Variants in MAP1B observed in about 807,000 individuals in gnomAD.
MAP1B encodes microtubule associated protein 1B.
In MAP1B, 12 loss-of-function variants were observed where a neutral mutation model predicts 176.1. The observed-to-expected ratio is 0.07, with a 90% confidence interval of 0.04 to 0.11. The LOEUF (loss-of-function observed/expected upper bound fraction) is 0.11, where lower values mean the gene tolerates loss of function less well. Ranked by LOEUF, MAP1B falls within the 10% of genes least tolerant of loss-of-function variation. MAP1B has a pLI of 1.00. For synonymous variants in MAP1B, 1,044 were observed against 1,135.0 expected, an observed-to-expected ratio of 0.92 and a Z score of 1.61; for missense variants, 2,523 against 2,990.5, an observed-to-expected ratio of 0.84 and a Z score of 3.65.
At chr5:72,145,322 G>A (rs1746025192) in intron 2 of MAP1B, among the ~76,000 whole-genome samples, 1 of 151,618 alleles carries the variant, frequency 6.6e-6, no homozygotes, top group Non-Finnish European at 1.5e-5. Context: ...CAAAGAAAGA[G>A]AATGATATTA....
At chr5:72,157,021 T>A (rs62363205) in intron 2 of MAP1B, among the ~76,000 whole-genome samples, 3,608 of 152,312 alleles carry the variant, frequency 0.024, 57 homozygotes, top group Non-Finnish European at 0.034. Flanking sequence ...CTTGTAGGTT[T>A]ATTTGTAGAA....
Position 72,107,653 on chromosome 5 carries a change from T to C in MAP1B, c.122T>C (p.Val41Ala). Reference sequence around the variant, plus strand: ...CTTGACAGCAAGTTCTACTTGCTGGTGGTCGTCGGCGAGATCGTGACCGAG... The same window carrying C: ...CTTGACAGCAAGTTCTACTTGCTGGCGGTCGTCGGCGAGATCGTGACCGAG... ...RFLDSKFYLL[V>A]VVGEIVTEEH... The change falls in exon 1 of 7, where the codon GTG becomes GCG. Residue 41 changes from valine (V) to alanine (A), a missense_variant. Physicochemically the swap from Val to Ala is moderately conservative, Grantham distance 64. Transcript: ENST00000296755. 6.2e-7 allele frequency: 1 copy of C among 1,600,230 alleles called. No homozygotes were observed. Among genetic ancestry groups the C allele is most frequent in the Non-Finnish European group, 8.5e-7 (1 of 1,179,624 alleles).
intron 2 of MAP1B, among the ~76,000 whole-genome samples, chr5:72,140,673 T>C (rs1435954745): frequency 6.6e-6 from 1 of 152,154 alleles, no homozygotes; most frequent in East Asian, 1.9e-4. Flanking sequence ...AAAGAGGAGA[T>C]TTACACATAT....
At chr5:72,108,874 T>C (rs1415400367) in intron 1 of MAP1B, among the ~76,000 whole-genome samples, 2 of 152,158 alleles carry the variant, frequency 1.3e-5, no homozygotes, top group South Asian at 2.1e-4. Flanking sequence ...CTCCCCTCGC[T>C]CCTGACAGAG....
rs745508284 is a variant in MAP1B, at chr5:72,200,186, G to A, written c.6831G>A (p.Leu2277=). Residue 2277 remains leucine (L), a synonymous_variant, in exon 5 of 7, where the codon TTG becomes TTA. Transcript: ENST00000296755. ...CAGCTTCACCAAAACCAGCGGGCTT[G>A]AAAGAATCCTCGGATAAAGTGTCCA... ...PLAASPKPAG[L]KESSDKVSRV... 1 of 1,614,240 alleles carries A rather than the reference G, an allele frequency of 6.2e-7. No homozygotes were observed. The highest frequency in any genetic ancestry group is 8.5e-7 in the Non-Finnish European group (1 of 1,180,050).
At chr5:72,133,662 T>A (rs1373415228) in intron 2 of MAP1B, among the ~76,000 whole-genome samples, 1 of 152,240 alleles carries the variant, frequency 6.6e-6, no homozygotes, top group Non-Finnish European at 1.5e-5. Flanking sequence ...AATACATTTT[T>A]AAGAGATGTT....
chr5:72,183,680 A>G, intron 2 of MAP1B, 63 bp from the exon 3 acceptor site: 1 of 1,204,638 alleles, frequency 8.3e-7, no homozygotes, highest in Non-Finnish European at 1.2e-6. Context: ...AGGAGCAGGC[A>G]GGGCAGTTTT....
At chr5:72,138,568 A>G (rs559265423) in intron 2 of MAP1B, among the ~76,000 whole-genome samples, 1 of 152,328 alleles carries the variant, frequency 6.6e-6, no homozygotes, top group East Asian at 1.9e-4. Context: ...TTATGTAAAA[A>G]AATGCTTATT....
chr5:72,192,692 C>G (rs1301692730), intron 4 of MAP1B, among the ~76,000 whole-genome samples: 1 of 152,158 alleles, frequency 6.6e-6, no homozygotes, highest in Non-Finnish European at 1.5e-5. Context: ...TGGCTTTACC[C>G]CTTGATCATT....
At position 72,197,381 on chromosome 5, in the gene MAP1B, C is replaced by A. The variant is rs117847633; in HGVS notation, c.4026C>A (p.Asp1342Glu). Reference protein sequence around the residue: ...GHTPYYQSPTDEKSSHLPTEV... With the variant: ...GHTPYYQSPTEEKSSHLPTEV... ...CACCTTACTATCAATCTCCTACTGA[C>A]GAGAAATCCAGTCATCTCCCTACAG... Residue 1342 changes from aspartate to glutamate, a missense_variant, in exon 5 of 7, where the codon GAC (aspartate) becomes GAA (glutamate). Asp to Glu is a conservative substitution (Grantham distance 45, BLOSUM62 2). Around this residue, in one of 4 missense-constraint regions of MAP1B, gnomAD observed 1,925 missense variants for 2,126.0 expected, o/e 0.91. Coordinates refer to ENST00000296755, the MANE Select transcript of MAP1B (RefSeq NM_005909.5). 3 of 1,614,164 alleles carry A rather than the reference C, an allele frequency of 1.9e-6. No homozygotes were observed. Among genetic ancestry groups the A allele is most frequent in the Non-Finnish European group, 2.5e-6 (3 of 1,180,026 alleles).
chr5:72,189,539 G>C (rs140823032), intron 4 of MAP1B, among the ~76,000 whole-genome samples: 1 of 152,098 alleles, frequency 6.6e-6, no homozygotes, highest in Non-Finnish European at 1.5e-5. Flanking sequence ...GTCAAGAAAG[G>C]GAGGTGAAGG....
intron 2 of MAP1B, among the ~76,000 whole-genome samples, chr5:72,126,700 TC>T (rs1745639300): frequency 1.3e-5 from 2 of 152,224 alleles, no homozygotes; most frequent in Admixed American, 6.5e-5. Flanking sequence ...TGGCTTTTAA[TC>T]CAGGCTTTAA....
chr5:72,179,717 T>C lies in MAP1B; in HGVS notation c.287-4026T>C, dbSNP rs368089052. Reference sequence around the variant, plus strand: ...CCGTGACAAGAGCTGGAAGCTTCTCTCTCTCCCTTTAAATCCCCTCCTTCA... The same window carrying C: ...CCGTGACAAGAGCTGGAAGCTTCTCCCTCTCCCTTTAAATCCCCTCCTTCA... On this transcript the variant is annotated intron_variant, in intron 2 of 6. Coordinates refer to ENST00000296755, the MANE Select transcript of MAP1B (RefSeq NM_005909.5). 3 of 985,468 alleles carry C rather than the reference T, an allele frequency of 3.0e-6. No homozygotes were observed. The African/African-American group carries it at 5.2e-5, about 17-fold the overall frequency. 61.0% of individuals were successfully genotyped at this position (985,468 alleles called of 1,614,324 possible).
rs1189019296 is a variant in MAP1B, at chr5:72,205,064, T to A, written c.7252-20T>A. 3 of 1,591,850 alleles carry A rather than the reference T, an allele frequency of 1.9e-6. No homozygotes were observed. Among genetic ancestry groups the A allele is most frequent in the Non-Finnish European group, 2.6e-6 (3 of 1,171,602 alleles). ...CTGTTTCTGCCCTTAAATAGCTATT[T>A]TTTTTTTCTCTCCCTGCAGGTGACA... On this transcript the variant is annotated intron_variant, in intron 6 of 6. Transcript: ENST00000296755.
intron 2 of MAP1B, among the ~76,000 whole-genome samples, chr5:72,178,578 A>G (rs1347395629): frequency 1.3e-5 from 2 of 152,200 alleles, no homozygotes; most frequent in African/African-American, 2.4e-5. Context: ...GCCCCTGCCC[A>G]TGCCCTGCCC....
chr5:72,201,845 AG>A (rs1437976111), intron 5 of MAP1B, among the ~76,000 whole-genome samples: 2 of 152,246 alleles, frequency 1.3e-5, no homozygotes, highest in Admixed American at 1.3e-4. Context: ...ACATGCACAT[AG>A]AAAATAATCG....
chr5:72,196,311 A>G lies in MAP1B; in HGVS notation c.2956A>G (p.Ile986Val). ...TGCCAAGGCGGAGGCTGATGCATAC[A>G]TCAGGGAGAAGAGGGAGTCTGTGGC... is the stretch of plus-strand genomic sequence containing the variant. ...ESAKAEADAY[I>V]REKRESVASG... The change falls in exon 5 of 7, where the codon ATC becomes GTC. Residue 986 changes from isoleucine (I) to valine (V), a missense_variant. Coordinates refer to ENST00000296755, the MANE Select transcript of MAP1B (RefSeq NM_005909.5). The surrounding 1 kb of genome is among the most constrained non-coding windows in gnomAD (Gnocchi z 5.3). The G allele has an allele frequency of 1.2e-6, 2 of 1,614,146 alleles. No homozygotes were observed. Among genetic ancestry groups the G allele is most frequent in the South Asian group, 2.2e-5 (2 of 91,064 alleles).
At chr5:72,135,114 C>G (rs916877332) in intron 2 of MAP1B, among the ~76,000 whole-genome samples, 3 of 151,542 alleles carry the variant, frequency 2.0e-5, no homozygotes, top group African/African-American at 7.3e-5. Flanking sequence ...GGAGTTGTGG[C>G]CTCCTTTCAA....
chr5:72,177,221 C>T (rs557087577), intron 2 of MAP1B, among the ~76,000 whole-genome samples: 3 of 152,244 alleles, frequency 2.0e-5, no homozygotes, highest in Admixed American at 6.5e-5. Flanking sequence ...TGGGTTGCCT[C>T]GATCCTTCTC....
Sources: allele counts gnomAD v4.1 joint callset (sites outside exome capture counted in the v4.1 genomes callset), GRCh38; gene constraint gnomAD v4.1.1; regional missense constraint gnomAD v4.1.1; non-coding constraint Gnocchi (gnomAD v3.1); transcripts MANE v1.5; gene names NCBI Gene and HGNC (gene_info 2026-07-23, HGNC 2026-07-21).